Variants in MRAP2 observed in about 807,000 individuals in gnomAD.
MRAP2 encodes melanocortin 2 receptor accessory protein 2.
Under a neutral mutation model 17.4 loss-of-function variants are expected in MRAP2, and 20 were observed. That is an observed-to-expected ratio of 1.15 (90% CI 0.81 to 1.67). The LOEUF is 1.67. MRAP2 is among the 40% of genes most tolerant of loss of function. The pLI is 0.00. For synonymous variants in MRAP2, 96 were observed against 88.4 expected, an observed-to-expected ratio of 1.09 and a Z score of -0.48; for missense variants, 238 against 240.0, an observed-to-expected ratio of 0.99 and a Z score of 0.05.
At chr6:84,131,376 G>C in the MRAP2 span, among the ~76,000 whole-genome samples, 1 of 152,192 alleles carries the variant, frequency 6.6e-6, no homozygotes. Context: ...TTGGTGCAGA[G>C]CTGAGTTCAA....
At chr6:84,098,178 A>G in the MRAP2 span, among the ~76,000 whole-genome samples, 5 of 152,068 alleles carry the variant, frequency 3.3e-5, no homozygotes, top group Non-Finnish European at 7.4e-5. Flanking sequence ...CCATATTTTC[A>G]TGGTATTTAT....
the MRAP2 span, among the ~76,000 whole-genome samples, chr6:84,118,977 G>A: frequency 6.6e-6 from 1 of 152,090 alleles, no homozygotes; most frequent in South Asian, 2.1e-4. Context: ...TACCTTTATT[G>A]AAAGTCAATT....
chr6:84,129,323 T>C, the MRAP2 span, among the ~76,000 whole-genome samples: 1 of 152,194 alleles, frequency 6.6e-6, no homozygotes, highest in Admixed American at 6.5e-5. Context: ...GTAAAAGCAT[T>C]CCTATTTCTC....
At chr6:84,073,453 G>A (rs2099496755) in intron 3 of MRAP2, among the ~76,000 whole-genome samples, 1 of 152,178 alleles carries the variant, frequency 6.6e-6, no homozygotes, top group African/African-American at 2.4e-5. Flanking sequence ...GGGTCCTGCA[G>A]GAGCAATCTG....
chr6:84,062,207 A>G, intron 2 of MRAP2: 1 of 677,144 alleles, frequency 1.5e-6, no homozygotes, highest in Non-Finnish European at 1.8e-6. Flanking sequence ...TAGGTAAGCA[A>G]ACTGAAAACC....
At chr6:84,115,283 G>T in the MRAP2 span, among the ~76,000 whole-genome samples, 3 of 152,358 alleles carry the variant, frequency 2.0e-5, no homozygotes, top group East Asian at 3.9e-4. Context: ...CAGACAGGAG[G>T]AATCTAGAGA....
intron 1 of MRAP2, among the ~76,000 whole-genome samples, chr6:84,048,687 G>A (rs1405913137): frequency 6.6e-6 from 1 of 152,210 alleles, no homozygotes; most frequent in Non-Finnish European, 1.5e-5. Flanking sequence ...GTGGGATGGA[G>A]CATTAGGGTC....
At chr6:84,079,550 A>G (rs920965766) in intron 3 of MRAP2, among the ~76,000 whole-genome samples, 2 of 152,224 alleles carry the variant, frequency 1.3e-5, no homozygotes, top group Non-Finnish European at 2.9e-5. Flanking sequence ...ATGGTATGTA[A>G]ACTTTACCCA....
At chr6:84,056,876 AT>A (rs1160738062) in intron 2 of MRAP2, among the ~76,000 whole-genome samples, 1 of 152,204 alleles carries the variant, frequency 6.6e-6, no homozygotes, top group Non-Finnish European at 1.5e-5. Flanking sequence ...TGAATAAAAT[AT>A]TTTTTGAGGA....
At chr6:84,087,248 G>A (rs2099500716) in intron 3 of MRAP2, among the ~76,000 whole-genome samples, 1 of 152,128 alleles carries the variant, frequency 6.6e-6, no homozygotes, top group African/African-American at 2.4e-5. Context: ...TGGAAAGGCG[G>A]GACTACTCGA....
At chr6:84,126,313 T>A in the MRAP2 span, 2 of 1,236,710 alleles carry the variant, frequency 1.6e-6, no homozygotes, top group Non-Finnish European at 2.1e-6. Flanking sequence ...ATGACAAAAC[T>A]ATAGCAAATT....
the MRAP2 span, among the ~76,000 whole-genome samples, chr6:84,138,853 G>A: frequency 5.9e-4 from 90 of 152,208 alleles, no homozygotes; most frequent in African/African-American, 2.2e-3. Flanking sequence ...AAAGTTTTAT[G>A]TACATCTTAA....
At chr6:84,107,615 T>C in the MRAP2 span, among the ~76,000 whole-genome samples, 1 of 152,320 alleles carries the variant, frequency 6.6e-6, no homozygotes, top group South Asian at 2.1e-4. Flanking sequence ...ATAATCCTGA[T>C]ATAGGACAGT....
At chr6:84,040,239 C>T (rs774830101) in intron 1 of MRAP2, among the ~76,000 whole-genome samples, 7 of 152,202 alleles carry the variant, frequency 4.6e-5, no homozygotes, top group Non-Finnish European at 1.0e-4. Context: ...TGTTTGCTTC[C>T]CCTTCTGCCA....
intron 3 of MRAP2, among the ~76,000 whole-genome samples, chr6:84,079,068 C>G: frequency 6.6e-6 from 1 of 152,116 alleles, no homozygotes; most frequent in Admixed American, 6.6e-5. Context: ...GGTATTTATT[C>G]AAGAGCAGTA....
At chr6:84,081,840 GAATA>G (rs921288795) in intron 3 of MRAP2, among the ~76,000 whole-genome samples, 1 of 152,048 alleles carries the variant, frequency 6.6e-6, no homozygotes, top group African/African-American at 2.4e-5. Flanking sequence ...ATGAATGAAT[GAATA>G]AATAAATAAA....
In MRAP2 at chr6:84,081,127, C is replaced by G. The variant is rs145714997; in HGVS notation, c.228-7964C>G. On this transcript the variant is annotated intron_variant, in intron 3 of 3. Transcript: ENST00000257776. ...TCACCCATTGGGTGCACTAAAGGAT[C>G]TCTTAGGTCAGGTTTTTTAAAGTTA... Among the ~76,000 whole-genome samples, 919 of 152,272 alleles carry G rather than the reference C, an allele frequency of 6.0e-3. 5 individuals are homozygous for G. Among genetic ancestry groups the G allele is most frequent in the African/African-American group, 0.021 (885 of 41,540 alleles).
chr6:84,097,564 A>T, the MRAP2 span, among the ~76,000 whole-genome samples: 2 of 152,108 alleles, frequency 1.3e-5, no homozygotes, highest in African/African-American at 4.8e-5. Flanking sequence ...AAATGTATTT[A>T]GTATATTTCT....
chr6:84,118,756 C>T, the MRAP2 span, among the ~76,000 whole-genome samples: 5 of 152,204 alleles, frequency 3.3e-5, no homozygotes, highest in Non-Finnish European at 5.9e-5. Context: ...AGTGGGCCTG[C>T]AGACTGACGC....
Sources: gnomAD v4.1 joint callset for allele counts (sites outside exome capture counted in the v4.1 genomes callset) on GRCh38, gnomAD v4.1.1 for gene constraint, MANE v1.5 for transcripts, NCBI Gene and HGNC (gene_info 2026-07-23, HGNC 2026-07-21) for gene names.